The following GK variants were observed in gnomAD, a reference collection of about 807,000 sequenced individuals.
The protein encoded by GK is glycerol kinase.
In GK, 9 loss-of-function variants were observed where a neutral mutation model predicts 56.4. The observed-to-expected ratio is 0.16, with a 90% CI of 0.10 to 0.28. The LOEUF (loss-of-function observed/expected upper bound fraction) is 0.28, where lower values mean the gene tolerates loss of function less well. Among genes scored for constraint, GK ranks in the 10% least tolerant of loss-of-function variants. GK has a pLI of 1.00. For synonymous variants in GK, 104 were observed against 144.1 expected (o/e 0.72, Z 1.99); for missense variants, 161 against 431.4 (o/e 0.37, Z 5.55).
intron 1 of GK, among the ~76,000 whole-genome samples, chrX:30,662,316 C>T (rs996565462): frequency 3.6e-5 from 4 of 111,667 alleles, no homozygotes; most frequent in Non-Finnish European, 7.5e-5. Flanking sequence ...TAGTATGTGG[C>T]TTGCGTTTTT....
intron 13 of GK, among the ~76,000 whole-genome samples, chrX:30,716,149 G>A (rs1032308049): frequency 1.8e-5 from 2 of 112,048 alleles, no homozygotes; most frequent in African/African-American, 6.5e-5. Context: ...CCCACCAGCT[G>A]TGCCACAAAA....
chrX:30,695,217 A>C, intron 6 of GK: 1 of 807,621 alleles, frequency 1.2e-6, no homozygotes, highest in South Asian at 3.0e-5. Context: ...TCCACAGAGC[A>C]GGTCTTTCAG....
chrX:30,682,871 G>A (rs1444915370), intron 4 of GK, among the ~76,000 whole-genome samples: 1 of 111,510 alleles, frequency 9.0e-6, no homozygotes, highest in Non-Finnish European at 1.9e-5. Context: ...TTCCTGGTTT[G>A]CAGATGACTG....
intron 13 of GK, among the ~76,000 whole-genome samples, chrX:30,717,072 C>T (rs1936663546): frequency 8.9e-6 from 1 of 111,834 alleles, no homozygotes; most frequent in Middle Eastern, 4.6e-3. Flanking sequence ...CCAGCATATT[C>T]ATTCTCTAGT....
chrX:30,712,136 T>C (rs747027740), intron 13 of GK, among the ~76,000 whole-genome samples: 1 of 112,616 alleles, frequency 8.9e-6, no homozygotes, highest in South Asian at 3.6e-4. Context: ...CACAGTATTA[T>C]ACATAGCTGT....
chrX:30,664,531 G>A (rs1285195505), intron 1 of GK, among the ~76,000 whole-genome samples: 2 of 109,023 alleles, frequency 1.8e-5, no homozygotes, highest in East Asian at 5.7e-4. Flanking sequence ...GTTGTTTTTA[G>A]TAGTGCTAAA....
chrX:30,691,694 G>C (rs938490274), intron 5 of GK, among the ~76,000 whole-genome samples: 1 of 109,598 alleles, frequency 9.1e-6, no homozygotes, highest in Non-Finnish European at 1.9e-5. Context: ...GGATGGTCTC[G>C]ATCTCCTGAC....
intron 3 of GK, among the ~76,000 whole-genome samples, chrX:30,670,115 C>A (rs147537492): frequency 0.011 from 1,283 of 112,274 alleles, 31 homozygotes; most frequent in African/African-American, 0.04. Context: ...TGTTGTTGAT[C>A]ATTTCCTTGA....
At chrX:30,662,699 CTCTT>C (rs1365041459) in intron 1 of GK, among the ~76,000 whole-genome samples, 4 of 108,466 alleles carry the variant, frequency 3.7e-5, no homozygotes, top group Admixed American at 1.0e-4. Flanking sequence ...CTTTCTCTCT[CTCTT>C]TCTCTTTTTC....
At chrX:30,659,347 G>A (rs907353560) in intron 1 of GK, among the ~76,000 whole-genome samples, 1 of 112,621 alleles carries the variant, frequency 8.9e-6, no homozygotes, top group African/African-American at 3.2e-5. Context: ...TCATTTTTAA[G>A]AAAAACATAA....
At chrX:30,718,156 A>G (rs776036873) in intron 13 of GK, among the ~76,000 whole-genome samples, 2 of 112,129 alleles carry the variant, frequency 1.8e-5, no homozygotes, top group Admixed American at 1.9e-4. Flanking sequence ...ACAGACTTGA[A>G]AAAACTTTTA....
At chrX:30,727,184 G>C (rs1380797718) in intron 19 of GK, among the ~76,000 whole-genome samples, 1 of 112,043 alleles carries the variant, frequency 8.9e-6, no homozygotes, top group Admixed American at 9.4e-5. Flanking sequence ...GTTATCCATA[G>C]GCTCACTCTG....
At chrX:30,657,874 G>T (rs1426989441) in intron 1 of GK, among the ~76,000 whole-genome samples, 1 of 112,027 alleles carries the variant, frequency 8.9e-6, no homozygotes, top group African/African-American at 3.2e-5. Context: ...TTATCATCAC[G>T]AATGAATCTT....
intron 20 of GK, among the ~76,000 whole-genome samples, chrX:30,728,490 C>T (rs985692636): frequency 1.8e-5 from 2 of 111,777 alleles, no homozygotes; most frequent in African/African-American, 6.5e-5. Context: ...GTTATCTCTT[C>T]GGTGACATAC....
At chrX:30,688,418 G>C (rs1260378452) in intron 4 of GK, among the ~76,000 whole-genome samples, 1 of 103,912 alleles carries the variant, frequency 9.6e-6, no homozygotes, top group African/African-American at 3.5e-5. Context: ...GATGAAAAGA[G>C]TTTCTCCCGG....
intron 3 of GK, among the ~76,000 whole-genome samples, chrX:30,670,465 C>T (rs1394635207): frequency 8.9e-6 from 1 of 111,758 alleles, no homozygotes; most frequent in African/African-American, 3.3e-5. Flanking sequence ...CTTCTCTATA[C>T]TCCTCTGTGT....
At chrX:30,677,542 A>G (rs918913919) in intron 4 of GK, 90 bp downstream of exon 4, 3 of 601,954 alleles carry the variant, frequency 5.0e-6, no homozygotes, top group Non-Finnish European at 8.7e-6. Flanking sequence ...AAAAGCATGC[A>G]GTCGCCAGGC....
chrX:30,730,253 C>T lies in GK; in HGVS notation c.*1511C>T, dbSNP rs2147281030. On this transcript the variant is annotated 3_prime_UTR_variant, in exon 21 of 21. Coordinates refer to ENST00000427190, the MANE Select transcript of GK (RefSeq NM_001205019.2). ...TGAATGGGAAAACATTTATATCTTA[C>T]TATAAAAGGTTCTGTTTTGTTTGGA... is the stretch of plus-strand genomic sequence containing the variant. 8.9e-6 allele frequency: 1 copy of T among 111,749 alleles called. No individual in the cohort carries two copies. Among genetic ancestry groups the T allele is most frequent in the South Asian group, 3.7e-4 (1 of 2,693 alleles). 9.2% of individuals were successfully genotyped at this position (111,749 alleles called of 1,213,427 possible).
intron 13 of GK, among the ~76,000 whole-genome samples, chrX:30,713,215 T>C (rs1437678931): frequency 9.0e-6 from 1 of 111,456 alleles, no homozygotes; most frequent in Non-Finnish European, 1.9e-5. Context: ...CCTGATTCTA[T>C]TCCCTGTCTT....
Sources: allele counts gnomAD v4.1 joint callset (sites outside exome capture counted in the v4.1 genomes callset), GRCh38; gene constraint gnomAD v4.1.1; transcripts MANE v1.5; gene names NCBI Gene and HGNC (gene_info 2026-07-23, HGNC 2026-07-21).